PAPPA: variants seen among roughly 807,000 people sequenced by gnomAD.
PAPPA encodes the protein pappalysin-1.
In PAPPA, 60 loss-of-function variants were observed where a neutral mutation model predicts 164.0. The ratio of observed to expected loss-of-function variants is 0.37; its 90% CI spans 0.30 to 0.45. PAPPA has a LOEUF of 0.45. PAPPA is among the 20% of genes least tolerant of loss of function. The pLI is 1.00. For missense variants in PAPPA, 1,782 were observed against 2,087.3 expected (o/e 0.85, Z 2.85); for synonymous variants, 875 against 814.1 (o/e 1.07, Z -1.27).
chr9:116,334,238 T>TAAAAA (rs397974030), intron 12 of PAPPA, among the ~76,000 whole-genome samples: 3 of 108,972 alleles, frequency 2.8e-5, no homozygotes, highest in Admixed American at 9.9e-5. Context: ...CTGGCTGCAT[T>TAAAAA]AAAAAAAAAA....
chr9:116,188,442 G>A (rs1204483735), intron 2 of PAPPA, among the ~76,000 whole-genome samples: 1 of 152,130 alleles, frequency 6.6e-6, no homozygotes, highest in Admixed American at 6.5e-5. Context: ...CATGAGGGAA[G>A]CCTGAGAGCC....
chr9:116,387,229 T>G (rs1846826580), intron 21 of PAPPA, among the ~76,000 whole-genome samples: 1 of 152,198 alleles, frequency 6.6e-6, no homozygotes, highest in South Asian at 2.1e-4. Flanking sequence ...AGTAGAGCAC[T>G]GAGGTTGAGG....
At chr9:116,276,712 C>A (rs1490859551) in intron 9 of PAPPA, among the ~76,000 whole-genome samples, 2 of 152,166 alleles carry the variant, frequency 1.3e-5, no homozygotes, top group Non-Finnish European at 2.9e-5. Flanking sequence ...TTTCTCCCTC[C>A]CTCCCCACTC....
intron 1 of PAPPA, among the ~76,000 whole-genome samples, chr9:116,159,088 G>C (rs144126672): frequency 1.1e-3 from 165 of 152,350 alleles, no homozygotes; most frequent in Non-Finnish European, 1.7e-3. Flanking sequence ...AGCCCTGCAT[G>C]AGACCTGGCA....
At chr9:116,343,728 A>G (rs1049032606) in intron 13 of PAPPA, among the ~76,000 whole-genome samples, 1 of 126,600 alleles carries the variant, frequency 7.9e-6, no homozygotes, top group Non-Finnish European at 1.7e-5. Context: ...TTACAACATC[A>G]GCTACCACTT....
intron 18 of PAPPA, among the ~76,000 whole-genome samples, chr9:116,367,390 G>C (rs976149449): frequency 2.6e-5 from 4 of 152,202 alleles, no homozygotes; most frequent in Admixed American, 1.3e-4. Flanking sequence ...TTTGAGCAGA[G>C]GAGGAGCTTG....
intron 2 of PAPPA, among the ~76,000 whole-genome samples, chr9:116,197,981 C>T (rs997836860): frequency 6.6e-6 from 1 of 152,208 alleles, no homozygotes; most frequent in African/African-American, 2.4e-5. Flanking sequence ...TGAAATAACC[C>T]TTGTTCCTAA....
chr9:116,375,806 T>C (rs1846641708), intron 19 of PAPPA, among the ~76,000 whole-genome samples: 1 of 152,194 alleles, frequency 6.6e-6, no homozygotes, highest in Non-Finnish European at 1.5e-5. Flanking sequence ...CAGGTGACTC[T>C]TCATTTTTTA....
At chr9:116,362,331 G>A (rs915253525) in intron 17 of PAPPA, among the ~76,000 whole-genome samples, 10 of 152,020 alleles carry the variant, frequency 6.6e-5, no homozygotes, top group Admixed American at 4.6e-4. Flanking sequence ...TACTAAGCTC[G>A]GACTTGGGAG....
chr9:116,374,340 G>C (rs1846621883), intron 19 of PAPPA, among the ~76,000 whole-genome samples: 6 of 152,116 alleles, frequency 3.9e-5, no homozygotes, highest in Admixed American at 3.3e-4. Flanking sequence ...AGCTCTGGCT[G>C]GGCTAGATGT....
rs1055509461 is a variant in PAPPA at position 116,235,142 on chromosome 9, A to T, written c.2237A>T (p.His746Leu). The change falls in exon 7 of 22, where the codon CAT becomes CTT. Residue 746 changes from histidine (H) to leucine (L), a missense_variant. Coordinates refer to ENST00000328252, the MANE Select transcript of PAPPA (RefSeq NM_002581.5). ...TTCCCTCATCTCTTCTGCATAGGTC[A>T]TCCTGATGTTGAACAGCCCTGTAAG... ...GHWSPREAEG[H>L]PDVEQPCKSS... 2.5e-6 allele frequency: 4 copies of T among 1,614,002 alleles called. No individual in the cohort carries two copies. The African/African-American group carries it at 4.0e-5, about 16-fold the overall frequency.
intron 1 of PAPPA, among the ~76,000 whole-genome samples, chr9:116,175,463 G>A (rs944032834): frequency 6.6e-6 from 1 of 152,046 alleles, no homozygotes; most frequent in Non-Finnish European, 1.5e-5. Flanking sequence ...TAATGTATAC[G>A]TATTTCATAA....
intron 7 of PAPPA, among the ~76,000 whole-genome samples, chr9:116,254,471 G>A (rs1342225018): frequency 6.6e-6 from 1 of 152,134 alleles, no homozygotes; most frequent in Admixed American, 6.5e-5. Flanking sequence ...ATGTGTGTAT[G>A]TGTGTTTACA....
intron 10 of PAPPA, among the ~76,000 whole-genome samples, chr9:116,305,649 G>A (rs1178804943): frequency 1.3e-5 from 2 of 152,170 alleles, no homozygotes; most frequent in African/African-American, 2.4e-5. Flanking sequence ...CATTCTTCAA[G>A]GTAGGAATTG....
At chr9:116,257,382 C>G (rs571298168) in intron 7 of PAPPA, among the ~76,000 whole-genome samples, 73 of 152,050 alleles carry the variant, frequency 4.8e-4, no homozygotes, top group African/African-American at 1.7e-3. Context: ...CCATTGGTCT[C>G]CTACCTAGCG....
intron 21 of PAPPA, among the ~76,000 whole-genome samples, chr9:116,389,129 CT>C (rs374938651): frequency 0.023 from 2,929 of 128,830 alleles, 35 homozygotes; most frequent in African/African-American, 0.053. Flanking sequence ...CAGAATAATC[CT>C]TTTTTTTTTT....
chr9:116,227,383 C>T (rs774460344), intron 5 of PAPPA, 48 bp from the exon 6 acceptor site: 3 of 1,609,140 alleles, frequency 1.9e-6, no homozygotes, highest in Non-Finnish European at 2.5e-6. Flanking sequence ...GTTGCTCATT[C>T]AACTGTTCCT....
In PAPPA at chr9:116,362,681, G is replaced by A. The variant is rs149279887; in HGVS notation, c.4437G>A (p.Ser1479=). Residue 1479 remains serine, a synonymous_variant, in exon 18 of 22, where the codon TCG becomes TCA. Transcript: ENST00000328252. Reference sequence around the variant, plus strand: ...GCCAGGAGATGCAAGGCCAGTGCTCGGTTCCAAACGAGCTCAACAGCAACC... The same window carrying A: ...GCCAGGAGATGCAAGGCCAGTGCTCAGTTCCAAACGAGCTCAACAGCAACC... The part of the protein sequence containing the change: ...HVCQEMQGQC[S]VPNELNSNLK... The A allele has an allele frequency of 2.5e-5, 40 of 1,613,954 alleles. No individual in the cohort carries two copies. The highest frequency in any genetic ancestry group is 3.3e-5 in the South Asian group (3 of 91,064).
At chr9:116,226,098 T>C (rs1844504152) in intron 5 of PAPPA, among the ~76,000 whole-genome samples, 1 of 152,120 alleles carries the variant, frequency 6.6e-6, no homozygotes, top group Admixed American at 6.5e-5. Context: ...GCAGAGGGGA[T>C]GTGGGTAACA....
Sources: allele counts gnomAD v4.1 joint callset (sites outside exome capture counted in the v4.1 genomes callset), GRCh38; gene constraint gnomAD v4.1.1; transcripts MANE v1.5; gene names NCBI Gene and HGNC (gene_info 2026-07-23, HGNC 2026-07-21).